The following DST variants were observed in gnomAD, a reference collection of about 807,000 sequenced individuals.
DST encodes bullous pemphigoid antigen.
A neutral mutation model predicts 875.2 loss-of-function variants in DST; 253 were observed. That is an observed-to-expected ratio of 0.29 (90% CI 0.26 to 0.32). The LOEUF is 0.32. Ranked by LOEUF, DST falls within the 10% of genes least tolerant of loss-of-function variation. The pLI, the probability that DST is intolerant of heterozygous loss-of-function variation, is 1.00. For missense variants in DST, 8,287 were observed against 9,111.6 expected (o/e 0.91, Z 3.68); for synonymous variants, 3,124 against 3,197.1 (o/e 0.98, Z 0.77).
chr6:56,849,735 A>G (rs1764070898), intron 4 of DST, among the ~76,000 whole-genome samples: 1 of 152,056 alleles, frequency 6.6e-6, no homozygotes, highest in Non-Finnish European at 1.5e-5. Context: ...CCCCCTAACA[A>G]ACACCTGCCC....
chr6:56,733,267 A>G (rs1450607428), intron 5 of DST, among the ~76,000 whole-genome samples: 1 of 152,134 alleles, frequency 6.6e-6, no homozygotes, highest in East Asian at 1.9e-4. Context: ...AATCTCCTCA[A>G]AAAGAGTCTG....
chr6:56,592,190 C>T lies in DST; in HGVS notation c.12895G>A (p.Glu4299Lys). ...TTTCTCTCGCTTTTTACCTTGGTCTCTTCTAATTGCCTTTGAAGATTTTTG... is the reference window on the plus strand; with the variant it reads ...TTTCTCTCGCTTTTTACCTTGGTCTTTTCTAATTGCCTTTGAAGATTTTTG... ...DPKNLQRQLE[E>K]TKALQGQISS... The change falls in exon 49 of 104, where the codon GAG (glutamate) becomes AAG (lysine). Residue 4299 changes from glutamate to lysine, a missense_variant. By Grantham distance (56) the Glu-to-Lys change is moderately conservative. Transcript: ENST00000680361. 1 of 1,613,334 alleles carries T rather than the reference C, an allele frequency of 6.2e-7. No individual in the cohort carries two copies.
chr6:56,616,246 T>G, intron 36 of DST: 1 of 1,614,170 alleles, frequency 6.2e-7, no homozygotes, highest in Non-Finnish European at 8.5e-7. Flanking sequence ...TTCCCTGCTC[T>G]ATAGCCTCAT....
chr6:56,847,973 T>A (rs2099809051), intron 4 of DST, among the ~76,000 whole-genome samples: 1 of 152,204 alleles, frequency 6.6e-6, no homozygotes, highest in Non-Finnish European at 1.5e-5. Flanking sequence ...AACGATCAAG[T>A]CAGAGTATCT....
intron 49 of DST, among the ~76,000 whole-genome samples, chr6:56,583,342 G>A (rs2098066268): frequency 1.3e-5 from 2 of 152,160 alleles, no homozygotes; most frequent in Admixed American, 1.3e-4. Flanking sequence ...TTCTCTGATG[G>A]CCAGTGATGA....
At position 56,502,887 on chromosome 6, in the gene DST, G is replaced by C. The variant is rs111549409; in HGVS notation, c.19566+1110C>G. Among the ~76,000 whole-genome samples the C allele has an allele frequency of 5.2e-3, 796 of 152,212 alleles. 7 individuals carry two copies. Among genetic ancestry groups the C allele is most frequent in the South Asian group, 0.039 (189 of 4,828 alleles). ...TAGCAAAGTTCATTGCAAACAGTGT[G>C]ATGTCTCTGCATATGGAGAGTTAAA... is the stretch of plus-strand genomic sequence containing the variant. On this transcript the variant is annotated intron_variant, in intron 78 of 103. Transcript: ENST00000680361.
intron 4 of DST, among the ~76,000 whole-genome samples, chr6:56,801,906 C>T (rs1165026564): frequency 6.6e-6 from 1 of 152,010 alleles, no homozygotes; most frequent in African/African-American, 2.4e-5. Flanking sequence ...TGTGCCACCA[C>T]ACCTGGCTAA....
At chr6:56,707,928 G>C (rs1270288409) in intron 5 of DST, among the ~76,000 whole-genome samples, 1 of 152,194 alleles carries the variant, frequency 6.6e-6, no homozygotes, top group Non-Finnish European at 1.5e-5. Flanking sequence ...CTAGCACTTT[G>C]GGAGGCCGAG....
In DST at chr6:56,801,916, AT is replaced by A. The variant is rs758097547; in HGVS notation, c.625+49480del. 1.9e-3 allele frequency among the ~76,000 whole-genome samples: 285 copies of A among 151,854 alleles called. 1 individual carries two copies. Among genetic ancestry groups the A allele is most frequent in the Non-Finnish European group, 3.4e-3 (230 of 67,912 alleles). ...AGGCATGTGCCACCACACCTGGCTA[AT>A]TTTTGTATTTTTAGTACAGGAGGGG... On this transcript the variant is annotated intron_variant, in intron 4 of 103. Coordinates refer to ENST00000680361, the MANE Select transcript of DST (RefSeq NM_001374736.1).
chr6:56,472,723 G>A (rs1363620152), intron 93 of DST, among the ~76,000 whole-genome samples: 1 of 152,108 alleles, frequency 6.6e-6, no homozygotes, highest in African/African-American at 2.4e-5. Flanking sequence ...ATAAAATATG[G>A]CAGCATGTGT....
intron 89 of DST, chr6:56,482,455 T>C: frequency 3.8e-6 from 2 of 524,308 alleles, no homozygotes; most frequent in Non-Finnish European, 6.4e-6. Context: ...GCTGAGACAT[T>C]ACTCACGCAG....
At chr6:56,491,435 A>G in intron 85 of DST, among the ~76,000 whole-genome samples, 1 of 152,204 alleles carries the variant, frequency 6.6e-6, no homozygotes, top group East Asian at 1.9e-4. Context: ...AAAAATATAT[A>G]TATTTGTCAA....
In DST at chr6:56,916,778, T is replaced by TCTCACACACACA. The variant is rs1470233953; in HGVS notation, c.217-16158_217-16157insTGTGTGTGTGAG. On this transcript the variant is annotated intron_variant, in intron 2 of 103. Coordinates refer to ENST00000680361, the MANE Select transcript of DST (RefSeq NM_001374736.1). ...ATCTCTCTCTCTCTCTCTCTCTCTC[T>TCTCACACACACA]CACACACACACACACACACACACAC... 3.0e-3 allele frequency among the ~76,000 whole-genome samples: 272 copies of TCTCACACACACA among 91,326 alleles called. 1 individual carries two copies. The highest frequency in any genetic ancestry group is 0.011 in the Middle Eastern group (2 of 178). The allele number at this position is 91,326 out of a possible 152,430, so 59.9% of individuals were successfully genotyped here.
intron 4 of DST, among the ~76,000 whole-genome samples, chr6:56,833,468 GT>G (rs529042900): frequency 1.2e-4 from 18 of 152,206 alleles, no homozygotes; most frequent in Admixed American, 9.2e-4. Context: ...TATCCTAAGA[GT>G]TTTTAACTTT....
chr6:56,477,148 C>A (rs942488762), intron 91 of DST, among the ~76,000 whole-genome samples, 197 bp downstream of exon 91: 3 of 152,106 alleles, frequency 2.0e-5, no homozygotes, highest in Non-Finnish European at 4.4e-5. Flanking sequence ...GACATAGCTG[C>A]AAAATTTCTT....
intron 4 of DST, among the ~76,000 whole-genome samples, chr6:56,817,102 C>T (rs1356242254): frequency 6.6e-6 from 1 of 151,582 alleles, no homozygotes; most frequent in Non-Finnish European, 1.5e-5. Context: ...CACACACACA[C>T]ACACACAAAG....
At position 56,616,728 on chromosome 6, in the gene DST, C is replaced by A. The variant is rs757891711; in HGVS notation, c.4930-2244G>T. ...ATGACACCCCCACTGGCAATCTGGG[C>A]TTCCAAGATATGTTTACCTTTTTGT... On this transcript the variant is annotated intron_variant, in intron 36 of 103. Coordinates refer to ENST00000680361, the MANE Select transcript of DST (RefSeq NM_001374736.1). 2.5e-6 allele frequency: 4 copies of A among 1,614,206 alleles called. No individual in the cohort carries two copies. The highest frequency in any genetic ancestry group is 3.4e-6 in the Non-Finnish European group (4 of 1,180,032).
chr6:56,815,157 T>C (rs1325888364), intron 4 of DST, among the ~76,000 whole-genome samples: 1 of 152,134 alleles, frequency 6.6e-6, no homozygotes, highest in Non-Finnish European at 1.5e-5. Context: ...ATATAAAGCA[T>C]TTAGAACAGT....
chr6:56,786,862 G>A (rs1437239604), intron 4 of DST, among the ~76,000 whole-genome samples: 1 of 152,150 alleles, frequency 6.6e-6, no homozygotes, highest in Non-Finnish European at 1.5e-5. Context: ...GAAGTGCCAA[G>A]TAAAGGATAC....
Sources: gnomAD v4.1 joint callset for allele counts (sites outside exome capture counted in the v4.1 genomes callset) on GRCh38, gnomAD v4.1.1 for gene constraint, MANE v1.5 for transcripts, NCBI Gene and HGNC (gene_info 2026-07-23, HGNC 2026-07-21) for gene names.